SNX18: variants seen among roughly 807,000 people sequenced by gnomAD.
The protein encoded by SNX18 is sorting nexin-18.
In SNX18, 35 loss-of-function variants were observed where a neutral mutation model predicts 48.7. The ratio of observed to expected loss-of-function variants is 0.72; its 90% CI spans 0.55 to 0.95. The LOEUF (loss-of-function observed/expected upper bound fraction) is 0.95. Among genes scored for constraint, SNX18 ranks in the 40% least tolerant of loss-of-function variants. SNX18 has a pLI of 0.00. For missense variants in SNX18, 824 were observed against 871.0 expected (o/e 0.95, Z 0.68); for synonymous variants, 492 against 384.7 (o/e 1.28, Z -3.26).
Position 54,543,366 on chromosome 5 carries a change from A to C in SNX18, c.1809A>C (p.Gln603His). The C allele has an allele frequency of 6.2e-7, 1 of 1,614,152 alleles. No homozygotes were observed. The highest frequency in any genetic ancestry group is 8.5e-7 in the Non-Finnish European group (1 of 1,180,012). ...KSQMQHFLQQQIIFFQKVTQK... is the reference protein window; with the variant it reads ...KSQMQHFLQQHIIFFQKVTQK... ...AGATGCAGCATTTCTTACAACAACA[A>C]ATAATATTTTTCCAAAAAGTTACCC... The change falls in exon 2 of 2, where the codon CAA (glutamine) becomes CAC (histidine). Residue 603 changes from glutamine (Q) to histidine (H), a missense_variant. Physicochemically the swap from Gln to His is conservative, Grantham distance 24 (BLOSUM62 0). This residue lies in a region of SNX18 where 443 missense variants were observed against 503.6 expected (regional missense o/e 0.88). Transcript: ENST00000381410.
chr5:54,555,684 G>A, the SNX18 span, among the ~76,000 whole-genome samples: 62 of 151,920 alleles, frequency 4.1e-4, no homozygotes, highest in South Asian at 4.8e-3. Context: ...AAAATTAGCC[G>A]GGCATTGTGG....
chr5:54,525,014 G>C (rs904236560), intron 1 of SNX18, among the ~76,000 whole-genome samples: 1 of 152,262 alleles, frequency 6.6e-6, no homozygotes, highest in Non-Finnish European at 1.5e-5. Context: ...GAAGCCGTGG[G>C]TGCAGAGCCT....
the SNX18 span, among the ~76,000 whole-genome samples, chr5:54,599,907 A>G: frequency 5.9e-5 from 9 of 152,228 alleles, no homozygotes; most frequent in African/African-American, 2.2e-4. Flanking sequence ...AGACAATACC[A>G]TACAGGACAG....
the SNX18 span, among the ~76,000 whole-genome samples, chr5:54,607,567 C>A: frequency 1.3e-5 from 2 of 152,110 alleles, no homozygotes; most frequent in Non-Finnish European, 2.9e-5. Flanking sequence ...GGTAGGTATG[C>A]ATCACAATTT....
the SNX18 span, among the ~76,000 whole-genome samples, chr5:54,594,546 C>T: frequency 0.041 from 6,212 of 152,190 alleles, 362 homozygotes; most frequent in African/African-American, 0.13. Context: ...AAATAATGTG[C>T]TTTATGCTAA....
the SNX18 span, among the ~76,000 whole-genome samples, chr5:54,588,593 C>T: frequency 6.6e-6 from 1 of 152,066 alleles, no homozygotes; most frequent in Admixed American, 6.6e-5. Context: ...TCCCAAAGTG[C>T]TGGGATTACA....
chr5:54,543,334 A>G lies in SNX18; in HGVS notation c.1777A>G (p.Lys593Glu). 1.2e-6 allele frequency: 2 copies of G among 1,614,232 alleles called. No individual in the cohort carries two copies. Among genetic ancestry groups the G allele is most frequent in the Non-Finnish European group, 1.7e-6 (2 of 1,180,034 alleles). ...CCATCAAATTCGAGTGAGAGACTTTAAATCACAGATGCAGCATTTCTTACA... is the reference window on the plus strand; with the variant it reads ...CCATCAAATTCGAGTGAGAGACTTTGAATCACAGATGCAGCATTTCTTACA... The part of the protein sequence containing the change: ...HFHQIRVRDF[K>E]SQMQHFLQQQ... Residue 593 changes from lysine to glutamate, a missense_variant, in exon 2 of 2, where the codon AAA becomes GAA. Transcript: ENST00000381410.
In SNX18 at chr5:54,519,089, G is replaced by A; in HGVS notation, c.1137G>A (p.Leu379=). 2.5e-6 allele frequency: 4 copies of A among 1,614,020 alleles called. No homozygotes were observed. The highest frequency in any genetic ancestry group is 3.4e-6 in the Non-Finnish European group (4 of 1,180,016). The change falls in exon 1 of 2, where the codon CTG becomes CTA. Residue 379 remains leucine, a synonymous_variant. Coordinates refer to ENST00000381410, the MANE Select transcript of SNX18 (RefSeq NM_001102575.2). ...LAQCDVFQHF[L]TCPSSTDEKA... is the part of the protein sequence containing the mutation. ...AGTGCGACGTCTTCCAGCACTTCCT[G>A]ACGTGCCCCAGCAGCACCGACGAGA...
the SNX18 span, chr5:54,644,978 G>A: frequency 5.3e-5 from 8 of 152,214 alleles, no homozygotes; most frequent in Non-Finnish European, 7.3e-5. Context: ...TAGAAAGGCA[G>A]CTTCTCAGGC....
chr5:54,551,821 C>A, the SNX18 span, among the ~76,000 whole-genome samples: 1 of 152,170 alleles, frequency 6.6e-6, no homozygotes, highest in Non-Finnish European at 1.5e-5. Flanking sequence ...TCTCTGGGGT[C>A]CCTGGAGCAC....
the SNX18 span, among the ~76,000 whole-genome samples, chr5:54,580,186 C>T: frequency 2.0e-5 from 3 of 151,966 alleles, no homozygotes; most frequent in African/African-American, 4.8e-5. Context: ...CTTTCAAATT[C>T]GTCAATAAAA....
chr5:54,556,198 A>T, the SNX18 span, among the ~76,000 whole-genome samples: 2 of 152,188 alleles, frequency 1.3e-5, no homozygotes, highest in Admixed American at 1.3e-4. Context: ...TTAGTTCCCT[A>T]TTGTTTTTAT....
the SNX18 span, among the ~76,000 whole-genome samples, chr5:54,588,303 A>ATTTTTTTTTTTTTTTTT: frequency 1.0e-5 from 1 of 100,392 alleles, no homozygotes; most frequent in African/African-American, 3.6e-5. Flanking sequence ...TGTTATTTCT[A>ATTTTTTTTTTTTTTTTT]TTCTTTTTTT....
chr5:54,528,411 A>T (rs1228663196), intron 1 of SNX18, among the ~76,000 whole-genome samples: 1 of 152,178 alleles, frequency 6.6e-6, no homozygotes, highest in Non-Finnish European at 1.5e-5. Flanking sequence ...TACTGCGAAT[A>T]AGACAGTGCA....
the SNX18 span, among the ~76,000 whole-genome samples, chr5:54,641,094 A>G: frequency 6.6e-6 from 1 of 152,102 alleles, no homozygotes; most frequent in Non-Finnish European, 1.5e-5. Flanking sequence ...AGGAGTATAC[A>G]GAAGTTCTGA....
chr5:54,636,479 CTT>C, the SNX18 span, among the ~76,000 whole-genome samples: 1 of 152,012 alleles, frequency 6.6e-6, no homozygotes, highest in Non-Finnish European at 1.5e-5. Flanking sequence ...CACCTCATCT[CTT>C]CTGTTCTCTT....
At chr5:54,627,683 G>C in the SNX18 span, among the ~76,000 whole-genome samples, 4 of 152,082 alleles carry the variant, frequency 2.6e-5, no homozygotes, top group African/African-American at 7.2e-5. Flanking sequence ...GGGGGGACCA[G>C]TGGCAGGGGT....
At chr5:54,556,674 AG>A in the SNX18 span, among the ~76,000 whole-genome samples, 23 of 151,476 alleles carry the variant, frequency 1.5e-4, no homozygotes, top group African/African-American at 5.6e-4. Context: ...GGGGCTGGGG[AG>A]GGGGTTGGTA....
the SNX18 span, among the ~76,000 whole-genome samples, chr5:54,592,175 C>T: frequency 6.6e-6 from 1 of 152,168 alleles, no homozygotes; most frequent in Non-Finnish European, 1.5e-5. Context: ...CTTTACTATA[C>T]CCTCGCCTCC....
Sources: gnomAD v4.1 joint callset for allele counts (sites outside exome capture counted in the v4.1 genomes callset) on GRCh38, gnomAD v4.1.1 for gene constraint, gnomAD v4.1.1 regional missense constraint, MANE v1.5 for transcripts, NCBI Gene and HGNC (gene_info 2026-07-23, HGNC 2026-07-21) for gene names.